NSRP1: variants seen among roughly 807,000 people sequenced by gnomAD.
The protein encoded by NSRP1 is coiled-coil domain containing 55.
A neutral mutation model predicts 54.7 loss-of-function variants in NSRP1; 24 were observed. That is an observed-to-expected ratio of 0.44 (90% CI 0.32 to 0.62). The LOEUF (loss-of-function observed/expected upper bound fraction) is 0.62. NSRP1 is among the 20% of genes least tolerant of loss of function. The probability of loss-of-function intolerance (pLI) is 0.06; values close to 1 mark genes in which losing one functional copy is unlikely to be tolerated. For synonymous variants in NSRP1, 210 were observed against 213.8 expected (o/e 0.98, Z 0.15); for missense variants, 596 against 651.2 (o/e 0.92, Z 0.92).
At chr17:30,132,055 T>C (rs1246750978) in intron 2 of NSRP1, among the ~76,000 whole-genome samples, 6 of 151,966 alleles carry the variant, frequency 3.9e-5, no homozygotes, top group Non-Finnish European at 8.8e-5. Flanking sequence ...AAGACCATCC[T>C]GGCTAACATG....
intron 2 of NSRP1, among the ~76,000 whole-genome samples, chr17:30,139,916 G>A (rs1212370811): frequency 6.6e-6 from 1 of 152,136 alleles, no homozygotes; most frequent in Non-Finnish European, 1.5e-5. Flanking sequence ...CCCAGCTACT[G>A]GGGAGGCTAA....
At chr17:30,162,078 G>T (rs1232286183) in intron 2 of NSRP1, among the ~76,000 whole-genome samples, 1 of 148,138 alleles carries the variant, frequency 6.8e-6, no homozygotes, top group Non-Finnish European at 1.5e-5. Context: ...CTGGAGTGCA[G>T]TGGCGCAGTC....
Position 30,135,906 on chromosome 17 carries a change from T to C in NSRP1, c.114+17733T>C, listed in dbSNP as rs1175091870. ...TTATTTTATTTCATTTTTTTGATCATGGCCCACTGTAGCCTTGATGTCCCA... is the reference window on the plus strand; with the variant it reads ...TTATTTTATTTCATTTTTTTGATCACGGCCCACTGTAGCCTTGATGTCCCA... On this transcript the variant is annotated intron_variant, in intron 2 of 6. Coordinates refer to ENST00000247026, the MANE Select transcript of NSRP1 (RefSeq NM_032141.4). Among the ~76,000 whole-genome samples, 3 of 152,128 alleles carry C rather than the reference T, an allele frequency of 2.0e-5. No homozygotes were observed. In the East Asian group the frequency reaches 5.8e-4, roughly 29 times the overall value.
chr17:30,164,883 A>T (rs904161164), intron 2 of NSRP1, among the ~76,000 whole-genome samples: 1 of 152,198 alleles, frequency 6.6e-6, no homozygotes. Flanking sequence ...AATTAAAATA[A>T]TTGTCTACCT....
intron 2 of NSRP1, among the ~76,000 whole-genome samples, chr17:30,165,993 GA>G (rs907401279): frequency 6.1e-5 from 9 of 147,098 alleles, no homozygotes; most frequent in South Asian, 2.1e-4. Context: ...AATAATCCAA[GA>G]AAAAAAAAAG....
intron 2 of NSRP1, among the ~76,000 whole-genome samples, chr17:30,171,824 A>G (rs753033652): frequency 2.2e-4 from 34 of 152,034 alleles, no homozygotes; most frequent in Non-Finnish European, 2.5e-4. Context: ...TTGATACACT[A>G]TATTGAGTGG....
chr17:30,153,042 G>GGCA (rs2071928833), intron 2 of NSRP1, among the ~76,000 whole-genome samples: 1 of 150,224 alleles, frequency 6.7e-6, no homozygotes, highest in South Asian at 2.1e-4. Context: ...CCTCTCCTCA[G>GGCA]TAGCTGGGAT....
At chr17:30,117,367 CAA>C (rs2071546252) in intron 1 of NSRP1, 1 of 519,468 alleles carries the variant, frequency 1.9e-6, no homozygotes, top group South Asian at 3.0e-5. Flanking sequence ...TACGTTGCCG[CAA>C]AAGAGACAAA....
At chr17:30,184,579 A>G (rs975007887) in intron 6 of NSRP1, 36 bp from the exon 7 acceptor site, 1 of 1,519,992 alleles carries the variant, frequency 6.6e-7, no homozygotes, top group Non-Finnish European at 8.8e-7. Context: ...ATAATGTGGC[A>G]TTTTTTTCTG....
intron 2 of NSRP1, among the ~76,000 whole-genome samples, chr17:30,149,436 A>T (rs1402431607): frequency 1.3e-5 from 2 of 152,176 alleles, no homozygotes; most frequent in African/African-American, 2.4e-5. Context: ...TCTATTTGTT[A>T]TCATAGAGGA....
chr17:30,139,947 C>G (rs541630528), intron 2 of NSRP1, among the ~76,000 whole-genome samples: 2 of 152,264 alleles, frequency 1.3e-5, no homozygotes, highest in South Asian at 4.1e-4. Flanking sequence ...TGGGGTGAAC[C>G]CGGGAGGCGG....
At chr17:30,171,684 G>A (rs1389689273) in intron 2 of NSRP1, among the ~76,000 whole-genome samples, 3 of 151,996 alleles carry the variant, frequency 2.0e-5, no homozygotes, top group African/African-American at 4.8e-5. Context: ...TTCAGTCTCT[G>A]GCCTAAGACT....
intron 3 of NSRP1, among the ~76,000 whole-genome samples, chr17:30,173,037 C>G (rs1186288757): frequency 3.3e-5 from 5 of 151,402 alleles, no homozygotes; most frequent in African/African-American, 1.2e-4. Context: ...ACTCTCGGCT[C>G]ACTGCAGTCT....
At chr17:30,170,307 T>C (rs931072174) in intron 2 of NSRP1, among the ~76,000 whole-genome samples, 2 of 152,116 alleles carry the variant, frequency 1.3e-5, no homozygotes, top group African/African-American at 4.8e-5. Flanking sequence ...CTTACATACT[T>C]TTTTTGTTTC....
chr17:30,185,668 T>C lies in NSRP1; in HGVS notation c.1671T>C (p.Asp557=). The C allele has an allele frequency of 6.4e-7, 1 of 1,565,116 alleles. No homozygotes were observed. Among genetic ancestry groups the C allele is most frequent in the Non-Finnish European group, 8.6e-7 (1 of 1,161,272 alleles). The change falls in exon 7 of 7, where the codon GAT becomes GAC. Residue 557 remains aspartate (D), a synonymous_variant. Coordinates refer to ENST00000247026, the MANE Select transcript of NSRP1 (RefSeq NM_032141.4). ...CAAAGACCTATATTGAGAAAGAAGA[T>C]GATTGATGGCTACCCCAAGAGAAAG... ...VNAKTYIEKE[D]D is the part of the protein sequence containing the mutation.
intron 2 of NSRP1, among the ~76,000 whole-genome samples, chr17:30,136,044 C>T (rs971264941): frequency 1.3e-5 from 2 of 151,990 alleles, no homozygotes; most frequent in East Asian, 3.9e-4. Flanking sequence ...GAAACCACGT[C>T]TCTACTAAAA....
Position 30,118,129 on chromosome 17 carries a change from C to G in NSRP1, c.70C>G (p.Gln24Glu). 1.9e-6 allele frequency: 3 copies of G among 1,613,654 alleles called. No individual in the cohort carries two copies. Among genetic ancestry groups the G allele is most frequent in the Non-Finnish European group, 2.5e-6 (3 of 1,179,766 alleles). Residue 24 changes from glutamine to glutamate, a missense_variant, in exon 2 of 7, where the codon CAA becomes GAA. Coordinates refer to ENST00000247026, the MANE Select transcript of NSRP1 (RefSeq NM_032141.4). ...KKTQQLHPVLQKPSVFGNDSD... is the reference protein window; with the variant it reads ...KKTQQLHPVLEKPSVFGNDSD... Reference sequence around the variant, plus strand: ...AACACAGCAGTTGCACCCTGTTTTGCAAAAACCATCAGTGTTTGGGAATGA... The same window carrying G: ...AACACAGCAGTTGCACCCTGTTTTGGAAAAACCATCAGTGTTTGGGAATGA...
At chr17:30,167,848 G>T (rs913313851) in intron 2 of NSRP1, among the ~76,000 whole-genome samples, 1 of 151,946 alleles carries the variant, frequency 6.6e-6, no homozygotes, top group African/African-American at 2.4e-5. Flanking sequence ...ATAACATTCT[G>T]TGTTTTCATT....
chr17:30,158,308 A>ATTT (rs35919418), intron 2 of NSRP1, among the ~76,000 whole-genome samples: 2,273 of 133,804 alleles, frequency 0.017, 40 homozygotes, highest in South Asian at 0.051. Flanking sequence ...TTTTAATGGC[A>ATTT]TTTTTTTTTT....
Sources: gnomAD v4.1 joint callset for allele counts (sites outside exome capture counted in the v4.1 genomes callset) on GRCh38, gnomAD v4.1.1 for gene constraint, MANE v1.5 for transcripts, NCBI Gene and HGNC (gene_info 2026-07-23, HGNC 2026-07-21) for gene names.